DDX19B: variants seen among roughly 807,000 people sequenced by gnomAD.
DDX19B encodes the protein ATP-dependent RNA helicase DDX19B.
Under a neutral mutation model 58.1 loss-of-function variants are expected in DDX19B, and 27 were observed. The observed-to-expected ratio is 0.46, with a 90% CI of 0.34 to 0.64. DDX19B has a LOEUF of 0.64. Among genes scored for constraint, DDX19B ranks in the 30% least tolerant of loss-of-function variants. The pLI, the probability that DDX19B is intolerant of heterozygous loss-of-function variation, is 0.01. For missense variants in DDX19B, 399 were observed against 596.5 expected, an observed-to-expected ratio of 0.67 and a Z score of 3.45; for synonymous variants, 187 against 214.4, an observed-to-expected ratio of 0.87 and a Z score of 1.12.
chr16:70,307,844 C>T (rs962990961), intron 1 of DDX19B, among the ~76,000 whole-genome samples: 4 of 149,588 alleles, frequency 2.7e-5, no homozygotes, highest in Non-Finnish European at 5.9e-5. Flanking sequence ...CCACCTCAGC[C>T]TCCCTGGTAG....
Position 70,334,298 on chromosome 16 carries a change from G to C in DDX19B, c.*716G>C, listed in dbSNP as rs1029624787. On this transcript the variant is annotated 3_prime_UTR_variant, in exon 12 of 12. Transcript: ENST00000288071. The stretch of plus-strand genomic sequence containing the variant: ...CTGATTATTGGTGGGTCCTGTGCCT[G>C]TGCTTAAGCAAGTCCTGTGGAGAAG... 6.6e-6 allele frequency: 1 copy of C among 152,342 alleles called. No individual in the cohort carries two copies. Among genetic ancestry groups the C allele is most frequent in the South Asian group, 2.1e-4 (1 of 4,822 alleles). 9.4% of individuals were successfully genotyped at this position (152,342 alleles called of 1,614,324 possible).
At chr16:70,307,665 ATG>A (rs1961831559) in intron 1 of DDX19B, among the ~76,000 whole-genome samples, 1 of 147,362 alleles carries the variant, frequency 6.8e-6, no homozygotes, top group Admixed American at 6.6e-5. Context: ...ATCTGGCCAT[ATG>A]TATATATATG....
chr16:70,305,700 AAT>A (rs1328369629), intron 1 of DDX19B, among the ~76,000 whole-genome samples: 10 of 152,104 alleles, frequency 6.6e-5, no homozygotes, highest in Non-Finnish European at 4.4e-5. Flanking sequence ...CGTAGAGATA[AAT>A]ATGTGTTTCA....
upstream of DDX19B, among the ~76,000 whole-genome samples, chr16:70,296,913 T>C (rs974678050): frequency 2.6e-5 from 4 of 152,148 alleles, no homozygotes; most frequent in African/African-American, 7.2e-5. Context: ...TGTTTGTTTG[T>C]TTTTATTTAT....
rs117156793 is a variant in DDX19B at position 70,317,978 on chromosome 16, T to A, written c.389+390T>A. 158 of 153,624 alleles carry A rather than the reference T, an allele frequency of 1.0e-3. 6 individuals are homozygous for A. In the East Asian group the frequency reaches 0.026, roughly 25 times the overall value. The allele number at this position is 153,624 out of a possible 1,614,324, so 9.5% of individuals were successfully genotyped here. ...AAAAGAGGAGGCTGAGGCACAAGAT[T>A]TGCTTGAACCCGGGAGGCAGAGGTT... On this transcript the variant is annotated intron_variant, in intron 5 of 11. Coordinates refer to ENST00000288071, the MANE Select transcript of DDX19B (RefSeq NM_007242.7).
chr16:70,333,771 A>C lies in DDX19B; in HGVS notation c.*189A>C. ...AAATGATGGGGGATGGTAGAAAAAA[A>C]TTATTTACACAACCTTGGAAGATTA... On this transcript the variant is annotated 3_prime_UTR_variant, in exon 12 of 12. Transcript: ENST00000288071. 1.3e-6 allele frequency: 1 copy of C among 793,090 alleles called. No individual in the cohort carries two copies. The highest frequency in any genetic ancestry group is 2.7e-5 in the Admixed American group (1 of 36,366). The allele number at this position is 793,090 out of a possible 1,614,324, so 49.1% of individuals were successfully genotyped here.
chr16:70,332,194 A>T (rs114207845), intron 10 of DDX19B, among the ~76,000 whole-genome samples: 1,811 of 152,192 alleles, frequency 0.012, 27 homozygotes, highest in African/African-American at 0.041. Flanking sequence ...CTGATTTCAT[A>T]ATTTTGTTGG....
At chr16:70,294,788 G>T (rs761363062), upstream of DDX19B, 23 of 1,359,366 alleles carry the variant, frequency 1.7e-5, no homozygotes, top group South Asian at 3.0e-5. Flanking sequence ...ATGAGGCTCC[G>T]GCTTGGCCAG....
intron 1 of DDX19B, among the ~76,000 whole-genome samples, chr16:70,307,500 T>A (rs1961820143): frequency 6.6e-6 from 1 of 151,660 alleles, no homozygotes; most frequent in Non-Finnish European, 1.5e-5. Flanking sequence ...GTAGGTGGGA[T>A]TACAAGCACG....
chr16:70,293,597 A>ATTTTTTTTTTTTTT (rs71151182), upstream of DDX19B, among the ~76,000 whole-genome samples: 51 of 77,014 alleles, frequency 6.6e-4, 5 homozygotes, highest in African/African-American at 1.7e-3. Context: ...GGATGGCTGA[A>ATTTTTTTTTTTTTT]TTTTTTTTTT....
intron 7 of DDX19B, among the ~76,000 whole-genome samples, 157 bp from the exon 8 acceptor site, chr16:70,329,135 A>G (rs1321248663): frequency 6.6e-6 from 1 of 150,732 alleles, no homozygotes; most frequent in Non-Finnish European, 1.5e-5. Flanking sequence ...AGGCAGGAGA[A>G]TCGCTTGAAC....
intron 3 of DDX19B, 132 bp downstream of exon 3, chr16:70,315,087 A>G: frequency 2.1e-6 from 2 of 936,876 alleles, no homozygotes; most frequent in Non-Finnish European, 1.6e-6. Context: ...ATAAAGGTTC[A>G]ATATAGGGGC....
upstream of DDX19B, among the ~76,000 whole-genome samples, chr16:70,293,594 T>C (rs935941462): frequency 7.6e-6 from 1 of 132,090 alleles, no homozygotes; most frequent in Non-Finnish European, 1.6e-5. Context: ...TGGGGATGGC[T>C]GAATTTTTTT....
chr16:70,312,522 C>T, intron 1 of DDX19B, 87 bp from the exon 2 acceptor site: 1 of 1,183,222 alleles, frequency 8.5e-7, no homozygotes, highest in Non-Finnish European at 1.2e-6. Flanking sequence ...ATTTTATCCC[C>T]AGCTTCATTA....
chr16:70,333,512 T>C lies in DDX19B; in HGVS notation c.1379-9T>C, dbSNP rs1963592978. The C allele has an allele frequency of 1.2e-6, 2 of 1,614,010 alleles. No individual in the cohort carries two copies. The highest frequency in any genetic ancestry group is 8.5e-7 in the Non-Finnish European group (1 of 1,179,870). ...GGGCAGGGTAGAGACCTGTGTATCT[T>C]TCCCCCAGATAAGAAGATAGAAAGA... is the stretch of plus-strand genomic sequence containing the variant. On this transcript the variant is annotated splice_polypyrimidine_tract_variant and intron_variant, in intron 11 of 11. Transcript: ENST00000288071.
intron 9 of DDX19B, 128 bp downstream of exon 9, chr16:70,330,196 G>T (rs1963410637): frequency 2.8e-6 from 3 of 1,087,368 alleles, no homozygotes; most frequent in East Asian, 4.8e-5. Flanking sequence ...TAAGGTTTTA[G>T]TGAGTCGTAA....
At chr16:70,298,631 T>C (rs926608068), upstream of DDX19B, among the ~76,000 whole-genome samples, 3 of 151,790 alleles carry the variant, frequency 2.0e-5, no homozygotes, top group African/African-American at 7.3e-5. Flanking sequence ...TGGGATTACA[T>C]GCATGAGCCA....
At chr16:70,317,022 T>C (rs1683402664) in intron 4 of DDX19B, among the ~76,000 whole-genome samples, 1 of 151,856 alleles carries the variant, frequency 6.6e-6, no homozygotes, top group African/African-American at 2.4e-5. Context: ...CTGGCTAACA[T>C]GGTGAAACCC....
chr16:70,299,411 T>A lies in DDX19B; in HGVS notation c.57+57T>A, dbSNP rs906713509. ...GGACTAGTTCTGGTCGGAGACTTGG[T>A]CCCTGGGAAAGAATGTTTCCCAGGT... On this transcript the variant is annotated intron_variant, in intron 1 of 11. Transcript: ENST00000288071. 2.6e-6 allele frequency: 4 copies of A among 1,521,902 alleles called. No individual in the cohort carries two copies. In the Admixed American group the frequency reaches 6.7e-5, roughly 25 times the overall value. 94.3% of individuals were successfully genotyped at this position (1,521,902 alleles called of 1,614,324 possible).
Sources: allele counts gnomAD v4.1 joint callset (sites outside exome capture counted in the v4.1 genomes callset), GRCh38; gene constraint gnomAD v4.1.1; transcripts MANE v1.5; gene names NCBI Gene and HGNC (gene_info 2026-07-23, HGNC 2026-07-21).